CD226: variants seen among roughly 807,000 people sequenced by gnomAD.
The protein encoded by CD226 is CD226 antigen.
Under a neutral mutation model 34.9 loss-of-function variants are expected in CD226, and 24 were observed. The ratio of observed to expected loss-of-function variants is 0.69; its 90% CI spans 0.50 to 0.97. The LOEUF (loss-of-function observed/expected upper bound fraction) is 0.97, where lower values mean the gene tolerates loss of function less well. CD226 is among the 50% of genes least tolerant of loss of function. The pLI is 0.00. For missense variants in CD226, 397 were observed against 412.7 expected (o/e 0.96, Z 0.33); for synonymous variants, 148 against 147.4 (o/e 1.00, Z -0.03).
chr18:69,918,465 G>A (rs149417871), intron 2 of CD226, among the ~76,000 whole-genome samples: 1,884 of 152,312 alleles, frequency 0.012, 24 homozygotes, highest in South Asian at 0.038. Context: ...GGCTGAGGCA[G>A]AAGAATCACT....
chr18:69,880,803 C>CACAAT (rs1482763465), intron 3 of CD226, among the ~76,000 whole-genome samples: 2 of 152,022 alleles, frequency 1.3e-5, no homozygotes, highest in African/African-American at 2.4e-5. Context: ...AGGCGCCCGC[C>CACAAT]ACAATGCCCA....
chr18:69,893,678 G>A (rs1231625045), intron 3 of CD226, among the ~76,000 whole-genome samples: 2 of 152,168 alleles, frequency 1.3e-5, no homozygotes, highest in Non-Finnish European at 2.9e-5. Flanking sequence ...AAGGAACAGA[G>A]TCAACATTTA....
chr18:69,947,654 T>C lies in CD226; in HGVS notation c.-248A>G. 1 of 360,458 alleles carries C rather than the reference T, an allele frequency of 2.8e-6. No individual in the cohort carries two copies. Among genetic ancestry groups the C allele is most frequent in the East Asian group, 4.6e-5 (1 of 21,792 alleles). 22.3% of individuals were successfully genotyped at this position (360,458 alleles called of 1,614,324 possible). On this transcript the variant is annotated 5_prime_UTR_variant, in exon 1 of 6. It removes an upstream start codon present in the reference 5' UTR. Coordinates refer to ENST00000582621, the MANE Select transcript of CD226 (RefSeq NM_001303618.2). ...CAGTCGGCTTATTTTCGGGCTTTCA[T>C]TTTCTACAAGGAGTCATTCATTCAA...
intron 3 of CD226, among the ~76,000 whole-genome samples, chr18:69,881,191 T>C (rs1384921039): frequency 6.6e-6 from 1 of 152,238 alleles, no homozygotes; most frequent in Non-Finnish European, 1.5e-5. Flanking sequence ...TTTTTTTAGA[T>C]TTTAAGAAAA....
intron 3 of CD226, among the ~76,000 whole-genome samples, chr18:69,880,638 T>C (rs1463461254): frequency 4.1e-5 from 6 of 145,156 alleles, no homozygotes; most frequent in Admixed American, 1.4e-4. Context: ...ACGAGGGGAA[T>C]AAGTCTTAAG....
chr18:69,904,725 G>A (rs2055230374), intron 2 of CD226, among the ~76,000 whole-genome samples: 1 of 152,230 alleles, frequency 6.6e-6, no homozygotes, highest in African/African-American at 2.4e-5. Flanking sequence ...TTTAAATATA[G>A]GTAGTACATC....
chr18:69,921,928 A>C (rs2055456775), intron 2 of CD226, among the ~76,000 whole-genome samples: 1 of 152,102 alleles, frequency 6.6e-6, no homozygotes, highest in African/African-American at 2.4e-5. Context: ...AATTAAAAAC[A>C]AGCTCCCATT....
chr18:69,880,517 A>T (rs898019082), intron 3 of CD226, among the ~76,000 whole-genome samples: 4 of 152,124 alleles, frequency 2.6e-5, no homozygotes, highest in Non-Finnish European at 4.4e-5. Context: ...AACCTAAAAA[A>T]ATTAATGTCT....
chr18:69,898,930 G>A (rs1175723901), intron 2 of CD226, among the ~76,000 whole-genome samples: 1 of 152,158 alleles, frequency 6.6e-6, no homozygotes, highest in Non-Finnish European at 1.5e-5. Context: ...AAATGTCGTA[G>A]TTAATTGGGA....
At chr18:69,873,376 G>T in intron 3 of CD226, 130 bp from the exon 4 acceptor site, 1 of 556,274 alleles carries the variant, frequency 1.8e-6, no homozygotes, top group East Asian at 3.0e-5. Flanking sequence ...AAAAAAAATA[G>T]AATGAGTTAC....
At chr18:69,880,959 A>C (rs1984223553) in intron 3 of CD226, among the ~76,000 whole-genome samples, 1 of 152,164 alleles carries the variant, frequency 6.6e-6, no homozygotes, top group African/African-American at 2.4e-5. Context: ...CCAAGTTTTA[A>C]GATTTATCAT....
intron 3 of CD226, among the ~76,000 whole-genome samples, chr18:69,891,027 A>G (rs1194235097): frequency 6.6e-6 from 1 of 151,738 alleles, no homozygotes; most frequent in Non-Finnish European, 1.5e-5. Flanking sequence ...CAAAAAAAAA[A>G]AAAAAACCTA....
At chr18:69,956,812 G>A (rs537130264) in exon 1 of CD226, 22 of 152,330 alleles carry the variant, frequency 1.4e-4, no homozygotes, top group African/African-American at 5.3e-4. Flanking sequence ...CTTGGTTAAG[G>A]ACTTTTATCG....
Position 69,947,499 on chromosome 18 carries a change from T to C in CD226, c.-93A>G. On this transcript the variant is annotated 5_prime_UTR_variant, in exon 1 of 6. Coordinates refer to ENST00000582621, the MANE Select transcript of CD226 (RefSeq NM_001303618.2). ...GATCCCCAGCACAATGCAGTTTCCT[T>C]CCTCTCAGATGTTATCAGTCGTGTC... 1.3e-6 allele frequency: 1 copy of C among 741,292 alleles called. No homozygotes were observed. Among genetic ancestry groups the C allele is most frequent in the Non-Finnish European group, 2.2e-6 (1 of 445,194 alleles). The allele number at this position is 741,292 out of a possible 1,614,324, so 45.9% of individuals were successfully genotyped here.
upstream of CD226, among the ~76,000 whole-genome samples, chr18:69,949,778 T>C (rs2055832729): frequency 6.6e-6 from 1 of 151,584 alleles, no homozygotes; most frequent in Non-Finnish European, 1.5e-5. Flanking sequence ...ACACACATGC[T>C]CACAGTCTCA....
At chr18:69,910,343 A>G (rs192921559) in intron 2 of CD226, among the ~76,000 whole-genome samples, 11 of 152,312 alleles carry the variant, frequency 7.2e-5, no homozygotes, top group Admixed American at 7.2e-4. Flanking sequence ...CTGCGTGGAT[A>G]TGAGGTACCC....
At chr18:69,948,701 G>A (rs2055820962), upstream of CD226, among the ~76,000 whole-genome samples, 2 of 152,134 alleles carry the variant, frequency 1.3e-5, no homozygotes, top group South Asian at 4.1e-4. Flanking sequence ...GCCTCTAGTT[G>A]TTTTGTGATG....
intron 2 of CD226, among the ~76,000 whole-genome samples, chr18:69,920,361 T>C (rs1206498627): frequency 6.6e-6 from 1 of 152,212 alleles, no homozygotes; most frequent in African/African-American, 2.4e-5. Context: ...AGAAAATCCA[T>C]CCCCTACTGC....
At chr18:69,949,753 T>G (rs1053654295), upstream of CD226, among the ~76,000 whole-genome samples, 1 of 151,450 alleles carries the variant, frequency 6.6e-6, no homozygotes, top group Non-Finnish European at 1.5e-5. Flanking sequence ...TGCACCCACA[T>G]ACACATGCAC....
Sources: allele counts gnomAD v4.1 joint callset (sites outside exome capture counted in the v4.1 genomes callset), GRCh38; gene constraint gnomAD v4.1.1; transcripts MANE v1.5; gene names NCBI Gene and HGNC (gene_info 2026-07-23, HGNC 2026-07-21).